The following TTBK2 variants were observed in gnomAD, a reference collection of about 807,000 sequenced individuals.
TTBK2 encodes the protein tau tubulin kinase 2, also known as tau-tubulin kinase 2.
Under a neutral mutation model 110.8 loss-of-function variants are expected in TTBK2, and 28 were observed. The ratio of observed to expected loss-of-function variants is 0.25; its 90% CI spans 0.19 to 0.35. The LOEUF is 0.35. Ranked by LOEUF, TTBK2 falls within the 10% of genes least tolerant of loss-of-function variation. TTBK2 has a pLI of 1.00. For synonymous variants in TTBK2, 532 were observed against 527.3 expected, an observed-to-expected ratio of 1.01 and a Z score of -0.12; for missense variants, 1,369 against 1,500.3, an observed-to-expected ratio of 0.91 and a Z score of 1.45.
intron 7 of TTBK2, among the ~76,000 whole-genome samples, chr15:42,812,847 A>C (rs1296445761): frequency 6.6e-6 from 1 of 152,118 alleles, no homozygotes; most frequent in African/African-American, 2.4e-5. Context: ...AGAAATTAAA[A>C]ACTCAATGGG....
chr15:42,833,247 T>TAAAAAAAAAAAAAAAA (rs35997543), intron 4 of TTBK2, among the ~76,000 whole-genome samples: 1 of 74,868 alleles, frequency 1.3e-5, no homozygotes, highest in Non-Finnish European at 2.7e-5. Context: ...CCAAATTTTG[T>TAAAAAAAAAAAAAAAA]AAAAAAAAAA....
At chr15:42,783,257 C>T (rs1890253370) in intron 11 of TTBK2, among the ~76,000 whole-genome samples, 162 bp downstream of exon 11, 1 of 152,000 alleles carries the variant, frequency 6.6e-6, no homozygotes, top group Non-Finnish European at 1.5e-5. Flanking sequence ...CAAAAGAGGC[C>T]CAAAAGAGAT....
rs577249462 is a variant in TTBK2 at position 42,851,486 on chromosome 15, G to A, written c.218-11053C>T. Among the ~76,000 whole-genome samples, 363 of 152,174 alleles carry A rather than the reference G, an allele frequency of 2.4e-3. 2 individuals are homozygous for A. Among genetic ancestry groups the A allele is most frequent in the Non-Finnish European group, 3.6e-3 (244 of 68,016 alleles). Reference sequence around the variant, plus strand: ...TTAGTATGTTAGAAGGATCACTCTTGCAGCAAAACATTCAGGTGAATAGAA... The same window carrying A: ...TTAGTATGTTAGAAGGATCACTCTTACAGCAAAACATTCAGGTGAATAGAA... On this transcript the variant is annotated intron_variant, in intron 3 of 14. Coordinates refer to ENST00000267890, the MANE Select transcript of TTBK2 (RefSeq NM_173500.4).
intron 1 of TTBK2, among the ~76,000 whole-genome samples, chr15:42,893,849 A>C (rs931479986): frequency 1.3e-5 from 2 of 152,218 alleles, no homozygotes; most frequent in Non-Finnish European, 2.9e-5. Context: ...GAACAACATT[A>C]TACACAGAAA....
intron 13 of TTBK2, among the ~76,000 whole-genome samples, chr15:42,770,832 C>T (rs912182740): frequency 6.6e-6 from 1 of 152,188 alleles, no homozygotes; most frequent in Admixed American, 6.5e-5. Context: ...TATTAATACA[C>T]GTGTGGATCA....
intron 4 of TTBK2, among the ~76,000 whole-genome samples, chr15:42,837,535 T>C (rs1422977559): frequency 6.6e-6 from 1 of 151,694 alleles, no homozygotes; most frequent in African/African-American, 2.4e-5. Flanking sequence ...GGCGTGTGCC[T>C]GTAATCCCAA....
intron 3 of TTBK2, among the ~76,000 whole-genome samples, chr15:42,864,896 A>T (rs1894305512): frequency 6.6e-6 from 1 of 152,200 alleles, no homozygotes; most frequent in Non-Finnish European, 1.5e-5. Flanking sequence ...GTACTTAATT[A>T]TGTATGCTTA....
chr15:42,783,425 A>T lies in TTBK2; in HGVS notation c.1191T>A (p.Ile397=). 1 of 1,613,920 alleles carries T rather than the reference A, an allele frequency of 6.2e-7. No individual in the cohort carries two copies. The part of the protein sequence containing the change: ...DANKNKIKLG[I]CKAATEEENS... ...GTTTATAAGGTACTCATACCTTACA[A>T]ATTCCAAGCTTTATCTTGTTTTTGT... Residue 397 remains isoleucine, a synonymous_variant, in exon 11 of 15, where the codon ATT becomes ATA. Transcript: ENST00000267890.
chr15:42,794,896 G>A (rs749541319), intron 9 of TTBK2, 95 bp from the exon 10 acceptor site: 4 of 1,528,214 alleles, frequency 2.6e-6, no homozygotes, highest in Non-Finnish European at 3.6e-6. Context: ...AAATGATTTT[G>A]TAATGTGATT....
At chr15:42,891,950 A>G (rs1342198260) in intron 1 of TTBK2, among the ~76,000 whole-genome samples, 1 of 152,194 alleles carries the variant, frequency 6.6e-6, no homozygotes, top group African/African-American at 2.4e-5. Flanking sequence ...GGACACCCAG[A>G]TGATGTCAGT....
chr15:42,888,485 C>T (rs902736043), intron 1 of TTBK2, among the ~76,000 whole-genome samples: 3 of 152,072 alleles, frequency 2.0e-5, no homozygotes, highest in Admixed American at 6.6e-5. Flanking sequence ...CAAGCCTAAT[C>T]GCCACTCACA....
chr15:42,799,165 C>G (rs777796092), intron 9 of TTBK2, among the ~76,000 whole-genome samples: 1 of 151,996 alleles, frequency 6.6e-6, no homozygotes, highest in Non-Finnish European at 1.5e-5. Flanking sequence ...GTCAGGAGAT[C>G]GAGACCATCC....
chr15:42,874,172 G>A (rs1329081215), intron 2 of TTBK2, among the ~76,000 whole-genome samples: 1 of 152,076 alleles, frequency 6.6e-6, no homozygotes, highest in Non-Finnish European at 1.5e-5. Context: ...GAGAAACTAA[G>A]CCTTTTCAAA....
At chr15:42,867,588 C>T (rs1596001689) in intron 3 of TTBK2, among the ~76,000 whole-genome samples, 1 of 152,122 alleles carries the variant, frequency 6.6e-6, no homozygotes, top group South Asian at 2.1e-4. Flanking sequence ...AAAAAGCGCT[C>T]CATATCACAC....
chr15:42,864,715 T>C (rs1263706442), intron 3 of TTBK2, among the ~76,000 whole-genome samples: 2 of 152,122 alleles, frequency 1.3e-5, no homozygotes, highest in South Asian at 2.1e-4. Flanking sequence ...TTTTTGGCAG[T>C]AGACTTCTCT....
intron 10 of TTBK2, among the ~76,000 whole-genome samples, chr15:42,786,722 A>T (rs745334256): frequency 1.1e-4 from 17 of 152,032 alleles, no homozygotes; most frequent in Admixed American, 3.9e-4. Context: ...TCTTCTCCAC[A>T]CAGGCTCTCT....
intron 1 of TTBK2, among the ~76,000 whole-genome samples, chr15:42,918,139 G>A (rs772279119): frequency 1.3e-5 from 2 of 151,880 alleles, no homozygotes; most frequent in Admixed American, 6.6e-5. Flanking sequence ...GCAGTGGAGC[G>A]ATCACAGATC....
At chr15:42,861,287 T>C (rs1423863512) in intron 3 of TTBK2, among the ~76,000 whole-genome samples, 2 of 152,060 alleles carry the variant, frequency 1.3e-5, no homozygotes, top group African/African-American at 4.8e-5. Flanking sequence ...CTCCACCCAA[T>C]AACCACAGAA....
chr15:42,852,048 T>C (rs185015104), intron 3 of TTBK2, among the ~76,000 whole-genome samples: 294 of 151,672 alleles, frequency 1.9e-3, no homozygotes, highest in African/African-American at 6.9e-3. Context: ...AGTATAGATG[T>C]CCCGACACAT....
Sources: gnomAD v4.1 joint callset for allele counts (sites outside exome capture counted in the v4.1 genomes callset) on GRCh38, gnomAD v4.1.1 for gene constraint, MANE v1.5 for transcripts, NCBI Gene and HGNC (gene_info 2026-07-23, HGNC 2026-07-21) for gene names.